The following COL13A1 variants were observed in gnomAD, a reference collection of about 807,000 sequenced individuals.
The protein encoded by COL13A1 is collagen alpha-1(XIII) chain.
Under a neutral mutation model 130.9 loss-of-function variants are expected in COL13A1, and 89 were observed. That is an observed-to-expected ratio of 0.68 (90% CI 0.57 to 0.81). The LOEUF is 0.81. COL13A1 is among the 30% of genes least tolerant of loss of function. The pLI is 0.00. For missense variants in COL13A1, 879 were observed against 934.6 expected (o/e 0.94, Z 0.78); for synonymous variants, 402 against 341.6 (o/e 1.18, Z -1.95).
chr10:69,936,066 G>T (rs2066801666), intron 32 of COL13A1, among the ~76,000 whole-genome samples: 4 of 126,518 alleles, frequency 3.2e-5, no homozygotes, highest in Admixed American at 3.1e-4. Flanking sequence ...GAGGGAGTGA[G>T]GGAAGGGAGG....
At chr10:69,908,838 A>T (rs1393449770) in intron 17 of COL13A1, among the ~76,000 whole-genome samples, 1 of 152,212 alleles carries the variant, frequency 6.6e-6, no homozygotes, top group Non-Finnish European at 1.5e-5. Context: ...GAAGGATCAT[A>T]CTTTCTTTTG....
chr10:69,875,378 T>C (rs561609695), intron 5 of COL13A1, among the ~76,000 whole-genome samples: 1 of 152,264 alleles, frequency 6.6e-6, no homozygotes, highest in South Asian at 2.1e-4. Flanking sequence ...GGCACTACTC[T>C]CCAGAGAGCT....
At chr10:69,943,226 G>A (rs1022213089) in intron 35 of COL13A1, among the ~76,000 whole-genome samples, 1 of 152,168 alleles carries the variant, frequency 6.6e-6, no homozygotes, top group Non-Finnish European at 1.5e-5. Context: ...GGGGCCCTGA[G>A]GACATCTTAC....
At chr10:69,869,933 A>G (rs936072251) in intron 3 of COL13A1, among the ~76,000 whole-genome samples, 1 of 152,184 alleles carries the variant, frequency 6.6e-6, no homozygotes, top group African/African-American at 2.4e-5. Context: ...AGTAGCTAAC[A>G]CTTACTGTGT....
chr10:69,880,653 C>A (rs940680273), intron 7 of COL13A1, 100 bp downstream of exon 7: 4 of 1,305,308 alleles, frequency 3.1e-6, no homozygotes, highest in Admixed American at 1.9e-5. Context: ...GGCGGCTGTG[C>A]CCCTGGGTGG....
At chr10:69,878,608 A>G (rs372959188) in intron 6 of COL13A1, among the ~76,000 whole-genome samples, 23 of 152,270 alleles carry the variant, frequency 1.5e-4, no homozygotes, top group African/African-American at 5.3e-4. Flanking sequence ...CAGCCTCCCA[A>G]GTAGCTGGGA....
intron 23 of COL13A1, 116 bp from the exon 24 acceptor site, chr10:69,923,686 G>A (rs985730021): frequency 1.9e-5 from 26 of 1,343,726 alleles, no homozygotes; most frequent in Non-Finnish European, 2.3e-5. Context: ...GAAGCCATCA[G>A]GGAAAGAGAA....
chr10:69,819,264 G>A (rs1390467484), intron 1 of COL13A1, among the ~76,000 whole-genome samples: 2 of 152,216 alleles, frequency 1.3e-5, no homozygotes, highest in Non-Finnish European at 2.9e-5. Context: ...TGTTGCACGG[G>A]TCAGTGATGA....
intron 2 of COL13A1, among the ~76,000 whole-genome samples, chr10:69,865,042 G>T (rs940372519): frequency 6.6e-6 from 1 of 152,186 alleles, no homozygotes. Flanking sequence ...GTGGTAGTAC[G>T]GGCAGTACCT....
At chr10:69,933,236 G>A (rs913342023) in intron 31 of COL13A1, among the ~76,000 whole-genome samples, 5 of 150,890 alleles carry the variant, frequency 3.3e-5, no homozygotes, top group Admixed American at 6.6e-5. Context: ...TCAGGGAATC[G>A]GGCAAGCATC....
intron 24 of COL13A1, 98 bp downstream of exon 24, chr10:69,923,953 AG>A: frequency 6.7e-7 from 1 of 1,486,070 alleles, no homozygotes. Context: ...TCAGGGCACA[AG>A]GCTGACCGGC....
At chr10:69,846,486 G>T (rs1283270664) in intron 2 of COL13A1, among the ~76,000 whole-genome samples, 1 of 152,144 alleles carries the variant, frequency 6.6e-6, no homozygotes, top group African/African-American at 2.4e-5. Flanking sequence ...CACCCCCACT[G>T]CCCCGGGAAG....
At chr10:69,956,240 A>G (rs2070660229) in intron 39 of COL13A1, 1 of 152,248 alleles carries the variant, frequency 6.6e-6, no homozygotes, top group African/African-American at 2.4e-5. Flanking sequence ...TGAGGGCCCA[A>G]GAAAACTCAG....
chr10:69,829,690 C>A (rs1227757), intron 2 of COL13A1, among the ~76,000 whole-genome samples: 70,562 of 152,092 alleles, frequency 0.46, 16,863 homozygotes, highest in Non-Finnish European at 0.54. Flanking sequence ...CCCCACCCCC[C>A]ACAGCCATAG....
intron 37 of COL13A1, 23 bp downstream of exon 37, chr10:69,945,747 T>C: frequency 6.2e-7 from 1 of 1,603,440 alleles, no homozygotes; most frequent in Non-Finnish European, 8.5e-7. Context: ...GGATCAGAGG[T>C]TCCTCTCCTC....
chr10:69,843,636 T>C (rs11597960), intron 2 of COL13A1, among the ~76,000 whole-genome samples: 14,186 of 152,222 alleles, frequency 0.093, 1,323 homozygotes, highest in African/African-American at 0.24. Context: ...ATGAGGATAA[T>C]GAGAAGGCTT....
At chr10:69,833,522 G>A (rs1462438619) in intron 2 of COL13A1, among the ~76,000 whole-genome samples, 1 of 152,198 alleles carries the variant, frequency 6.6e-6, no homozygotes, top group Middle Eastern at 3.2e-3. Flanking sequence ...CTTGGTTCAG[G>A]GCTGGGCAAG....
chr10:69,893,072 C>T (rs1331688252), intron 10 of COL13A1, among the ~76,000 whole-genome samples: 1 of 152,192 alleles, frequency 6.6e-6, no homozygotes, highest in East Asian at 1.9e-4. Context: ...TCTGCCAGGC[C>T]GAGCGCGGTG....
intron 17 of COL13A1, among the ~76,000 whole-genome samples, chr10:69,910,519 T>C (rs969525235): frequency 1.8e-4 from 27 of 152,170 alleles, no homozygotes; most frequent in African/African-American, 6.5e-4. Context: ...GGACTGGGCC[T>C]GGTATCCTCT....
Sources: allele counts gnomAD v4.1 joint callset (sites outside exome capture counted in the v4.1 genomes callset), GRCh38; gene constraint gnomAD v4.1.1; transcripts MANE v1.5; gene names NCBI Gene and HGNC (gene_info 2026-07-23, HGNC 2026-07-21).